Variants in PTPRT observed in about 807,000 individuals in gnomAD.
The protein encoded by PTPRT is protein tyrosine phosphatase receptor type T, also known as receptor-type tyrosine-protein phosphatase T.
A neutral mutation model predicts 176.8 loss-of-function variants in PTPRT; 56 were observed. That is an observed-to-expected ratio of 0.32 (90% CI 0.26 to 0.40). The LOEUF is 0.40. Ranked by LOEUF, PTPRT falls within the 10% of genes least tolerant of loss-of-function variation. The pLI, the probability that PTPRT is intolerant of heterozygous loss-of-function variation, is 1.00. For synonymous variants in PTPRT, 783 were observed against 739.0 expected, an observed-to-expected ratio of 1.06 and a Z score of -0.96; for missense variants, 1,540 against 1,908.2, an observed-to-expected ratio of 0.81 and a Z score of 3.60.
At chr20:42,467,477 C>T (rs373497471) in intron 8 of PTPRT, among the ~76,000 whole-genome samples, 3 of 152,244 alleles carry the variant, frequency 2.0e-5, no homozygotes, top group Admixed American at 6.5e-5. Flanking sequence ...GGTTCTGTCA[C>T]ATAGAATCAG....
At chr20:42,953,530 G>A (rs538674560) in intron 1 of PTPRT, among the ~76,000 whole-genome samples, 3 of 152,302 alleles carry the variant, frequency 2.0e-5, no homozygotes, top group South Asian at 4.1e-4. Context: ...GAGCTCAGAT[G>A]ACCTCTGTTC....
intron 1 of PTPRT, among the ~76,000 whole-genome samples, chr20:42,955,316 A>T (rs1056781812): frequency 1.3e-5 from 2 of 152,154 alleles, no homozygotes; most frequent in African/African-American, 4.8e-5. Flanking sequence ...AAACATGGCA[A>T]TTCACAGACC....
rs531637721 is a variant in PTPRT, at chr20:42,892,365, G to C, written c.89-6433C>G. ...TAGACTGGATGGTACCAAAGCCTGG[G>C]TACTTTCCATTGCTCCAACCCAGCA... On this transcript the variant is annotated intron_variant, in intron 1 of 30. Transcript: ENST00000373187. Among the ~76,000 whole-genome samples the C allele has an allele frequency of 8.8e-4, 134 of 152,248 alleles. 1 individual carries two copies. The highest frequency in any genetic ancestry group is 1.7e-3 in the Non-Finnish European group (114 of 68,034).
chr20:42,292,150 G>T (rs1277654935), intron 12 of PTPRT, among the ~76,000 whole-genome samples: 1 of 151,974 alleles, frequency 6.6e-6, no homozygotes, highest in East Asian at 1.9e-4. Context: ...ATCAGCCTGG[G>T]CTTATGGTAT....
intron 1 of PTPRT, among the ~76,000 whole-genome samples, chr20:43,165,552 T>C (rs1031496125): frequency 1.3e-5 from 2 of 152,322 alleles, no homozygotes; most frequent in Admixed American, 6.5e-5. Flanking sequence ...CTCCCAGCCA[T>C]GTGAGTCCAT....
chr20:43,140,591 C>T (rs2013975214), intron 1 of PTPRT, among the ~76,000 whole-genome samples: 1 of 151,746 alleles, frequency 6.6e-6, no homozygotes, highest in African/African-American at 2.4e-5. Flanking sequence ...CTGAGATCTT[C>T]TAGTTGTAGA....
intron 11 of PTPRT, among the ~76,000 whole-genome samples, chr20:42,345,580 A>ATGTGTGTG (rs1474978839): frequency 9.3e-5 from 8 of 86,462 alleles, no homozygotes; most frequent in African/African-American, 3.1e-4. Flanking sequence ...ACATACATAT[A>ATGTGTGTG]TATGTGTGTG....
intron 1 of PTPRT, among the ~76,000 whole-genome samples, chr20:43,166,668 T>A (rs189737139): frequency 6.6e-6 from 1 of 152,304 alleles, no homozygotes; most frequent in East Asian, 1.9e-4. Context: ...CATTTTCTAC[T>A]CATTTTTATA....
At chr20:42,676,406 T>C (rs2075503361) in intron 7 of PTPRT, among the ~76,000 whole-genome samples, 1 of 152,178 alleles carries the variant, frequency 6.6e-6, no homozygotes, top group African/African-American at 2.4e-5. Context: ...GTTCCATGGT[T>C]CCTGTACTGA....
intron 3 of PTPRT, among the ~76,000 whole-genome samples, chr20:42,781,836 A>G (rs1244817128): frequency 1.3e-5 from 2 of 152,224 alleles, no homozygotes; most frequent in Admixed American, 1.3e-4. Flanking sequence ...TTACTTTAAG[A>G]AGGAAGATAG....
chr20:42,775,221 C>T (rs192803465), intron 4 of PTPRT, among the ~76,000 whole-genome samples: 28 of 152,304 alleles, frequency 1.8e-4, no homozygotes, highest in African/African-American at 5.1e-4. Flanking sequence ...GACATTTAGA[C>T]GCCTACAGAT....
At chr20:42,056,863 G>A in the PTPRT span, among the ~76,000 whole-genome samples, 1 of 152,218 alleles carries the variant, frequency 6.6e-6, no homozygotes, top group African/African-American at 2.4e-5. Context: ...GGAAAGAGCA[G>A]AAGACTTCTT....
Position 42,999,199 on chromosome 20 carries a change from G to A in PTPRT, c.89-113267C>T, listed in dbSNP as rs866974702. 3.9e-5 allele frequency among the ~76,000 whole-genome samples: 6 copies of A among 152,202 alleles called. No homozygotes were observed. In the Middle Eastern group the frequency reaches 0.02, roughly 518 times the overall value. Reference sequence around the variant, plus strand: ...GAAAATTTCCGCAATATATTGCTAAGCAAAAACAAAGGCTTTCAAACTGCA... The same window carrying A: ...GAAAATTTCCGCAATATATTGCTAAACAAAAACAAAGGCTTTCAAACTGCA... On this transcript the variant is annotated intron_variant, in intron 1 of 30. Transcript: ENST00000373187.
chr20:42,734,067 A>T (rs2076502069), intron 6 of PTPRT, among the ~76,000 whole-genome samples: 1 of 152,120 alleles, frequency 6.6e-6, no homozygotes, highest in Admixed American at 6.5e-5. Flanking sequence ...CTTTTCCCTT[A>T]CTGATTCCTG....
chr20:42,421,868 GAACAGAATAGAGAACCCAGATA>G (rs1215189459), intron 9 of PTPRT, among the ~76,000 whole-genome samples: 1 of 151,980 alleles, frequency 6.6e-6, no homozygotes, highest in African/African-American at 2.4e-5. Flanking sequence ...GAGACCAATG[GAACAGAATAGAGAACCCAGATA>G]TAAGACCACA....
At chr20:42,179,906 C>T (rs548731560) in intron 16 of PTPRT, among the ~76,000 whole-genome samples, 1 of 152,250 alleles carries the variant, frequency 6.6e-6, no homozygotes, top group East Asian at 1.9e-4. Context: ...AATAGCAGAA[C>T]CCAGCAATGG....
chr20:42,676,109 T>G (rs573105026), intron 7 of PTPRT, among the ~76,000 whole-genome samples: 1 of 152,306 alleles, frequency 6.6e-6, no homozygotes, highest in Admixed American at 6.5e-5. Context: ...TGGCACTCAG[T>G]AAGTTTCAGA....
chr20:42,801,086 A>G (rs1368604307), intron 2 of PTPRT, among the ~76,000 whole-genome samples: 6 of 152,160 alleles, frequency 3.9e-5, no homozygotes, highest in Non-Finnish European at 7.4e-5. Flanking sequence ...AAATATATAA[A>G]TAAATAATAA....
intron 2 of PTPRT, among the ~76,000 whole-genome samples, chr20:42,848,723 G>C (rs1274503624): frequency 2.0e-5 from 3 of 152,064 alleles, no homozygotes; most frequent in Admixed American, 6.6e-5. Context: ...TCCTTTGTTG[G>C]ATGTATAGAT....
Sources: gnomAD v4.1 joint callset for allele counts (sites outside exome capture counted in the v4.1 genomes callset) on GRCh38, gnomAD v4.1.1 for gene constraint, MANE v1.5 for transcripts, NCBI Gene and HGNC (gene_info 2026-07-23, HGNC 2026-07-21) for gene names.